Variants in SUGCT observed in about 807,000 individuals in gnomAD.
SUGCT encodes succinyl-CoA:glutarate CoA-transferase.
Under a neutral mutation model 55.0 loss-of-function variants are expected in SUGCT, and 41 were observed. The ratio of observed to expected loss-of-function variants is 0.74; its 90% CI spans 0.58 to 0.97. The LOEUF (loss-of-function observed/expected upper bound fraction) is 0.97. Ranked by LOEUF, SUGCT falls within the 50% of genes least tolerant of loss-of-function variation. SUGCT has a pLI of 0.00. For synonymous variants in SUGCT, 187 were observed against 200.4 expected, an observed-to-expected ratio of 0.93 and a Z score of 0.56; for missense variants, 568 against 547.8, an observed-to-expected ratio of 1.04 and a Z score of -0.37.
intron 11 of SUGCT, among the ~76,000 whole-genome samples, chr7:40,468,340 T>C (rs987639424): frequency 3.3e-5 from 5 of 152,080 alleles, no homozygotes; most frequent in Non-Finnish European, 7.4e-5. Context: ...TTCCTTATTT[T>C]TTATTTTCTC....
intron 11 of SUGCT, among the ~76,000 whole-genome samples, chr7:40,489,538 G>T (rs964645673): frequency 1.3e-5 from 2 of 151,966 alleles, no homozygotes; most frequent in African/African-American, 4.8e-5. Context: ...AAAATTAGCT[G>T]GATGTGGTGG....
chr7:40,869,659 C>T, the SUGCT span, among the ~76,000 whole-genome samples: 4 of 135,052 alleles, frequency 3.0e-5, no homozygotes, highest in African/African-American at 1.1e-4. Flanking sequence ...AATGAATATA[C>T]CCACGAATGT....
chr7:40,470,372 T>C (rs1790342978), intron 11 of SUGCT, among the ~76,000 whole-genome samples: 1 of 152,110 alleles, frequency 6.6e-6, no homozygotes, highest in African/African-American at 2.4e-5. Context: ...AACTGATGTT[T>C]CTAGTAAGGG....
chr7:40,305,929 T>C (rs1366504463), intron 8 of SUGCT, among the ~76,000 whole-genome samples: 1 of 152,108 alleles, frequency 6.6e-6, no homozygotes, highest in African/African-American at 2.4e-5. Context: ...CCTCCCAAAG[T>C]GATGGGATTA....
chr7:40,327,482 C>T (rs1050122742), intron 9 of SUGCT, among the ~76,000 whole-genome samples: 2 of 152,160 alleles, frequency 1.3e-5, no homozygotes, highest in African/African-American at 4.8e-5. Context: ...ACATGATGTC[C>T]AAGGGTAACT....
intron 11 of SUGCT, among the ~76,000 whole-genome samples, chr7:40,459,951 CT>C (rs980220809): frequency 1.3e-5 from 2 of 152,042 alleles, no homozygotes; most frequent in African/African-American, 4.8e-5. Flanking sequence ...GGCTTTGTGG[CT>C]TTTGTGGATC....
At chr7:40,871,047 G>A in the SUGCT span, among the ~76,000 whole-genome samples, 10 of 152,078 alleles carry the variant, frequency 6.6e-5, no homozygotes, top group Non-Finnish European at 1.5e-4. Context: ...TCTCCAAAAA[G>A]CCCTTGTTCC....
At chr7:40,690,241 G>T (rs1784635845) in intron 12 of SUGCT, among the ~76,000 whole-genome samples, 1 of 152,046 alleles carries the variant, frequency 6.6e-6, no homozygotes, top group Non-Finnish European at 1.5e-5. Flanking sequence ...CCTTAAAGTT[G>T]TTGTATTCAC....
At chr7:40,153,646 CA>C (rs1386226196) in intron 1 of SUGCT, 2 of 523,342 alleles carry the variant, frequency 3.8e-6, no homozygotes, top group Non-Finnish European at 7.7e-6. Context: ...ATGTGTGGAA[CA>C]GGGGCAATAC....
At chr7:40,899,855 C>G in the SUGCT span, among the ~76,000 whole-genome samples, 18 of 152,254 alleles carry the variant, frequency 1.2e-4, no homozygotes, top group Middle Eastern at 0.01. Flanking sequence ...CACTCCTTCC[C>G]GAGCGTATGG....
chr7:40,262,208 A>G (rs1217592721), intron 7 of SUGCT, among the ~76,000 whole-genome samples: 2 of 152,134 alleles, frequency 1.3e-5, no homozygotes, highest in Non-Finnish European at 2.9e-5. Flanking sequence ...TATTTTCTGA[A>G]AAAAGTTTTG....
At chr7:40,147,199 C>G (rs1788296094) in intron 1 of SUGCT, among the ~76,000 whole-genome samples, 1 of 152,120 alleles carries the variant, frequency 6.6e-6, no homozygotes, top group African/African-American at 2.4e-5. Flanking sequence ...TGGACCTACT[C>G]TTTCTTCCCT....
At chr7:40,236,156 C>T (rs2150872740) in intron 6 of SUGCT, among the ~76,000 whole-genome samples, 1 of 152,140 alleles carries the variant, frequency 6.6e-6, no homozygotes, top group Non-Finnish European at 1.5e-5. Flanking sequence ...CTCCCGGGTT[C>T]AAGCAGTTCT....
At chr7:40,393,968 G>A (rs762718528) in intron 9 of SUGCT, among the ~76,000 whole-genome samples, 1 of 152,194 alleles carries the variant, frequency 6.6e-6, no homozygotes, top group Non-Finnish European at 1.5e-5. Context: ...AGCAACCAAA[G>A]AATTGTTCTA....
the SUGCT span, among the ~76,000 whole-genome samples, chr7:40,964,435 C>T: frequency 8.8e-3 from 1,340 of 152,292 alleles, 5 homozygotes; most frequent in Admixed American, 0.014. Context: ...GTCTCTGAGA[C>T]CCAGATTCTG....
At chr7:40,781,901 C>A (rs929480613) in intron 13 of SUGCT, among the ~76,000 whole-genome samples, 39 of 152,094 alleles carry the variant, frequency 2.6e-4, no homozygotes, top group African/African-American at 9.2e-4. Context: ...TTGTAATATT[C>A]AAGCTTTTGC....
intron 8 of SUGCT, among the ~76,000 whole-genome samples, chr7:40,285,692 G>A (rs927533714): frequency 2.6e-5 from 4 of 152,092 alleles, no homozygotes; most frequent in Admixed American, 6.6e-5. Flanking sequence ...GCATTGTGGC[G>A]AGGTGTAATT....
At position 40,806,854 on chromosome 7, in the gene SUGCT, G is replaced by A. The variant is rs1410727334; in HGVS notation, c.1154-53462G>A. Among the ~76,000 whole-genome samples, 4 of 152,198 alleles carry A rather than the reference G, an allele frequency of 2.6e-5. No individual in the cohort carries two copies. In the East Asian group the frequency reaches 5.8e-4, roughly 22 times the overall value. Reference sequence around the variant, plus strand: ...GGCTCTACCCAGCTGCCCTGAGGATGAGGGAATCTGTATCTCAGAGGATGC... The same window carrying A: ...GGCTCTACCCAGCTGCCCTGAGGATAAGGGAATCTGTATCTCAGAGGATGC... On this transcript the variant is annotated intron_variant, in intron 13 of 13. Coordinates refer to ENST00000335693, the MANE Select transcript of SUGCT (RefSeq NM_001193313.2).
At chr7:40,416,535 A>G (rs913614639) in intron 9 of SUGCT, among the ~76,000 whole-genome samples, 1 of 151,946 alleles carries the variant, frequency 6.6e-6, no homozygotes, top group Admixed American at 6.6e-5. Flanking sequence ...TCATAGATAT[A>G]TAGAGATGTT....
Sources: allele counts gnomAD v4.1 joint callset (sites outside exome capture counted in the v4.1 genomes callset), GRCh38; gene constraint gnomAD v4.1.1; transcripts MANE v1.5; gene names NCBI Gene and HGNC (gene_info 2026-07-23, HGNC 2026-07-21).